Variants in GLYATL1 observed in about 807,000 individuals in gnomAD.
The protein encoded by GLYATL1 is glycine-N-acyltransferase like 1, also known as glycine N-acyltransferase-like protein 1.
Under a neutral mutation model 20.0 loss-of-function variants are expected in GLYATL1, and 15 were observed. The observed-to-expected ratio is 0.75, with a 90% CI of 0.50 to 1.15. The LOEUF is 1.15. Ranked by LOEUF, GLYATL1 falls within the 50% of genes most tolerant of loss-of-function variation. The pLI, the probability that GLYATL1 is intolerant of heterozygous loss-of-function variation, is 0.00. For missense variants in GLYATL1, 380 were observed against 368.5 expected (o/e 1.03, Z -0.26); for synonymous variants, 151 against 131.5 (o/e 1.15, Z -1.01).
upstream of GLYATL1, among the ~76,000 whole-genome samples, chr11:58,937,753 G>A (rs1247103190): frequency 1.3e-5 from 2 of 152,196 alleles, no homozygotes; most frequent in African/African-American, 2.4e-5. Flanking sequence ...CAGATTTTAT[G>A]AATAGGTGCC....
chr11:58,935,827 T>A (rs930454491), upstream of GLYATL1: 5 of 152,158 alleles, frequency 3.3e-5, no homozygotes, highest in Admixed American at 2.0e-4. Flanking sequence ...GTTTATGGCT[T>A]TTGTTGTTGT....
chr11:58,937,366 G>T (rs1479161455), upstream of GLYATL1, among the ~76,000 whole-genome samples: 3 of 152,298 alleles, frequency 2.0e-5, no homozygotes, highest in Middle Eastern at 3.4e-3. Flanking sequence ...GGGAACCACA[G>T]GTCCCAGTGT....
At chr11:58,913,297 G>A (rs1463067379), downstream of GLYATL1, among the ~76,000 whole-genome samples, 1 of 152,136 alleles carries the variant, frequency 6.6e-6, no homozygotes, top group African/African-American at 2.4e-5. Context: ...AGCTGGAGGG[G>A]TAGAGAGGAG....
intron 4 of GLYATL1, among the ~76,000 whole-genome samples, chr11:58,954,240 A>T (rs1857215137): frequency 6.6e-6 from 1 of 152,232 alleles, no homozygotes; most frequent in South Asian, 2.1e-4. Flanking sequence ...ATTTATTTTG[A>T]GCCAAGTTTA....
intron 1 of GLYATL1, among the ~76,000 whole-genome samples, chr11:58,914,567 C>CA (rs2135101223): frequency 6.6e-6 from 1 of 152,166 alleles, no homozygotes; most frequent in African/African-American, 2.4e-5. Flanking sequence ...ATCGCATGAT[C>CA]AAAAAATGGT....
chr11:58,934,626 A>T (rs996054693), upstream of GLYATL1: 1 of 152,040 alleles, frequency 6.6e-6, no homozygotes, highest in African/African-American at 2.4e-5. Context: ...CCACAGAGGC[A>T]GTACTAGATA....
At chr11:58,912,958 G>C (rs929409338), downstream of GLYATL1, among the ~76,000 whole-genome samples, 1 of 152,208 alleles carries the variant, frequency 6.6e-6, no homozygotes, top group Non-Finnish European at 1.5e-5. Context: ...TGCTACTCTG[G>C]CTGGGGAATT....
chr11:58,924,301 A>G (rs1312318328), upstream of GLYATL1, among the ~76,000 whole-genome samples: 6 of 152,242 alleles, frequency 3.9e-5, no homozygotes, highest in East Asian at 1.2e-3. Context: ...TCTTTGGTCA[A>G]TCTCACCCTG....
At chr11:58,927,721 G>A (rs920723821) in exon 1 of GLYATL1, 3 of 152,162 alleles carry the variant, frequency 2.0e-5, no homozygotes, top group Admixed American at 6.5e-5. Flanking sequence ...CCAATTTTGC[G>A]TTACTGGGCA....
intron 1 of GLYATL1, among the ~76,000 whole-genome samples, chr11:58,930,384 G>A (rs1385832001): frequency 2.0e-5 from 3 of 152,172 alleles, no homozygotes; most frequent in Non-Finnish European, 4.4e-5. Flanking sequence ...AGCCAATGCA[G>A]TGTGATAAGA....
At chr11:58,954,021 T>C (rs1312938158) in intron 4 of GLYATL1, among the ~76,000 whole-genome samples, 1 of 152,192 alleles carries the variant, frequency 6.6e-6, no homozygotes, top group Non-Finnish European at 1.5e-5. Flanking sequence ...GTTACATCAT[T>C]CTATTTTGTG....
At chr11:58,924,882 T>C (rs1855391966), upstream of GLYATL1, among the ~76,000 whole-genome samples, 1 of 152,222 alleles carries the variant, frequency 6.6e-6, no homozygotes, top group Non-Finnish European at 1.5e-5. Context: ...GTAAAAGGGC[T>C]GACAAAAGGC....
At chr11:58,905,694 C>A (rs1265022577) in intron 1 of GLYATL1, 2 of 180,600 alleles carry the variant, frequency 1.1e-5, no homozygotes, top group South Asian at 4.2e-5. Flanking sequence ...CCGAGTGGTT[C>A]GGGGGAGGGG....
chr11:58,935,575 G>A (rs192510671), upstream of GLYATL1: 5 of 152,284 alleles, frequency 3.3e-5, no homozygotes, highest in Admixed American at 3.3e-4. Context: ...ATGTTTCTGT[G>A]TGAGGATAAA....
chr11:58,944,286 T>C (rs1856408914), intron 2 of GLYATL1, among the ~76,000 whole-genome samples: 1 of 152,226 alleles, frequency 6.6e-6, no homozygotes, highest in African/African-American at 2.4e-5. Context: ...TCAACTGCTA[T>C]TCTTTTTGGA....
upstream of GLYATL1, chr11:58,935,641 C>G (rs1002299760): frequency 6.6e-6 from 1 of 152,150 alleles, no homozygotes; most frequent in Non-Finnish European, 1.5e-5. Flanking sequence ...GGCATCCAAT[C>G]AGATTTCTAT....
chr11:58,913,708 G>T (rs963108447), intron 1 of GLYATL1, among the ~76,000 whole-genome samples: 15 of 152,210 alleles, frequency 9.9e-5, no homozygotes, highest in Admixed American at 2.6e-4. Flanking sequence ...GAAGGGAAAA[G>T]AGAATGGAGG....
chr11:58,932,495 C>G (rs1256363391), intron 1 of GLYATL1, among the ~76,000 whole-genome samples: 1 of 152,214 alleles, frequency 6.6e-6, no homozygotes, highest in Non-Finnish European at 1.5e-5. Context: ...ACTTTTACAT[C>G]TACACTTGAG....
upstream of GLYATL1, among the ~76,000 whole-genome samples, chr11:58,924,886 A>C (rs2135120370): frequency 6.6e-6 from 1 of 152,358 alleles, no homozygotes; most frequent in South Asian, 2.1e-4. Flanking sequence ...AAGGGCTGAC[A>C]AAAGGCAGAT....
Sources: gnomAD v4.1 joint callset for allele counts (sites outside exome capture counted in the v4.1 genomes callset) on GRCh38, gnomAD v4.1.1 for gene constraint, MANE v1.5 for transcripts, NCBI Gene and HGNC (gene_info 2026-07-23, HGNC 2026-07-21) for gene names.